SKAP2: variants seen among roughly 807,000 people sequenced by gnomAD.
The protein encoded by SKAP2 is src kinase-associated phosphoprotein 2.
In SKAP2, 28 loss-of-function variants were observed where a neutral mutation model predicts 54.9. That is an observed-to-expected ratio of 0.51 (90% CI 0.38 to 0.70). SKAP2 has a LOEUF of 0.70. Among genes scored for constraint, SKAP2 ranks in the 30% least tolerant of loss-of-function variants. SKAP2 has a pLI of 0.00. For missense variants in SKAP2, 356 were observed against 424.1 expected, an observed-to-expected ratio of 0.84 and a Z score of 1.41; for synonymous variants, 137 against 134.3, an observed-to-expected ratio of 1.02 and a Z score of -0.14.
At chr7:26,813,148 C>T (rs770878940) in intron 4 of SKAP2, among the ~76,000 whole-genome samples, 10 of 152,056 alleles carry the variant, frequency 6.6e-5, no homozygotes, top group Non-Finnish European at 1.5e-5. Flanking sequence ...TTTTCTCTAG[C>T]ATTAATTCTA....
intron 4 of SKAP2, among the ~76,000 whole-genome samples, chr7:26,796,104 C>T (rs956969916): frequency 6.6e-6 from 1 of 152,138 alleles, no homozygotes; most frequent in South Asian, 2.1e-4. Flanking sequence ...ATAAAACATA[C>T]AAATATCTAT....
intron 1 of SKAP2, among the ~76,000 whole-genome samples, chr7:26,864,086 G>A (rs1047064857): frequency 1.2e-5 from 1 of 84,688 alleles, no homozygotes; most frequent in African/African-American, 5.1e-5. Context: ...CACACACACC[G>A]TCTTCACAAT....
At chr7:26,713,393 T>G (rs1033869510) in intron 9 of SKAP2, among the ~76,000 whole-genome samples, 24 of 152,062 alleles carry the variant, frequency 1.6e-4, no homozygotes, top group Non-Finnish European at 3.2e-4. Context: ...GAATCTGACA[T>G]GCAATGGGCT....
intron 11 of SKAP2, among the ~76,000 whole-genome samples, chr7:26,673,000 G>A (rs898126672): frequency 6.6e-6 from 1 of 151,906 alleles, no homozygotes; most frequent in African/African-American, 2.4e-5. Context: ...ACTTACAGTG[G>A]AAAATAATGC....
At chr7:26,847,844 T>A (rs1784957695) in intron 3 of SKAP2, among the ~76,000 whole-genome samples, 1 of 152,236 alleles carries the variant, frequency 6.6e-6, no homozygotes, top group South Asian at 2.1e-4. Context: ...AATGTGTCCC[T>A]GTTATGTACT....
At chr7:26,817,858 T>C (rs946363772) in intron 4 of SKAP2, among the ~76,000 whole-genome samples, 3 of 151,846 alleles carry the variant, frequency 2.0e-5, no homozygotes, top group South Asian at 4.2e-4. Flanking sequence ...AAGAATAAAA[T>C]ACCTAGGAAT....
At chr7:26,845,843 G>C (rs1022671088) in intron 3 of SKAP2, among the ~76,000 whole-genome samples, 1 of 152,052 alleles carries the variant, frequency 6.6e-6, no homozygotes, top group African/African-American at 2.4e-5. Context: ...GAGGTAAGAG[G>C]ACCGCTTGAG....
At chr7:26,727,933 A>G (rs901808577) in intron 6 of SKAP2, among the ~76,000 whole-genome samples, 11 of 152,160 alleles carry the variant, frequency 7.2e-5, no homozygotes, top group Admixed American at 5.9e-4. Flanking sequence ...GGGCAAATAC[A>G]GAAATGCTTT....
At chr7:26,779,104 C>G (rs779041221) in intron 4 of SKAP2, among the ~76,000 whole-genome samples, 17 of 152,060 alleles carry the variant, frequency 1.1e-4, no homozygotes, top group Non-Finnish European at 1.6e-4. Flanking sequence ...AATAACTGTT[C>G]TTAATTTGTG....
chr7:26,743,303 TACTATA>T (rs1435350688), intron 4 of SKAP2, among the ~76,000 whole-genome samples: 1 of 152,236 alleles, frequency 6.6e-6, no homozygotes, highest in Non-Finnish European at 1.5e-5. Flanking sequence ...TGTTATATGT[TACTATA>T]ACTGTAACTA....
chr7:26,841,041 T>G (rs910004045), intron 4 of SKAP2, among the ~76,000 whole-genome samples: 1 of 152,034 alleles, frequency 6.6e-6, no homozygotes, highest in Admixed American at 6.6e-5. Flanking sequence ...ATCAATAAGG[T>G]ACTTTTTTCC....
chr7:26,714,547 C>A (rs1044595937), intron 9 of SKAP2, among the ~76,000 whole-genome samples: 2 of 152,194 alleles, frequency 1.3e-5, no homozygotes, highest in African/African-American at 4.8e-5. Context: ...GTAGCACTTG[C>A]CGAGGCCAGA....
intron 4 of SKAP2, among the ~76,000 whole-genome samples, chr7:26,773,579 A>G (rs1196995877): frequency 6.6e-6 from 1 of 152,190 alleles, no homozygotes; most frequent in African/African-American, 2.4e-5. Flanking sequence ...TAAACCTCCT[A>G]ACTTCAATTT....
intron 4 of SKAP2, among the ~76,000 whole-genome samples, chr7:26,815,043 T>C (rs1361818324): frequency 2.0e-5 from 3 of 151,944 alleles, no homozygotes; most frequent in Non-Finnish European, 4.4e-5. Flanking sequence ...GTTATGAATG[T>C]CATTAGACAT....
At chr7:26,754,022 A>T (rs555852221) in intron 4 of SKAP2, among the ~76,000 whole-genome samples, 145 of 152,308 alleles carry the variant, frequency 9.5e-4, no homozygotes, top group Middle Eastern at 3.4e-3. Flanking sequence ...TTGGGACAGA[A>T]CGTATAATAT....
chr7:26,862,724 C>A (rs1440999311), intron 1 of SKAP2, among the ~76,000 whole-genome samples: 1 of 151,964 alleles, frequency 6.6e-6, no homozygotes, highest in African/African-American at 2.4e-5. Flanking sequence ...TTCTCATGAC[C>A]TACATATCAT....
intron 4 of SKAP2, among the ~76,000 whole-genome samples, chr7:26,787,665 C>T (rs951855162): frequency 1.3e-5 from 2 of 151,940 alleles, no homozygotes; most frequent in Non-Finnish European, 2.9e-5. Flanking sequence ...CAAAGGGTGA[C>T]CTGGTGTTTC....
intron 4 of SKAP2, among the ~76,000 whole-genome samples, chr7:26,819,718 T>G (rs971852395): frequency 3.9e-5 from 6 of 152,176 alleles, no homozygotes; most frequent in Admixed American, 2.6e-4. Flanking sequence ...CTTATATCTG[T>G]ATGTTTGATA....
chr7:26,750,861 T>G (rs1169495219), intron 4 of SKAP2, among the ~76,000 whole-genome samples: 2 of 152,178 alleles, frequency 1.3e-5, no homozygotes, highest in African/African-American at 2.4e-5. Flanking sequence ...TTCTTTAGCT[T>G]CTTTCCACTC....
Sources: gnomAD v4.1 joint callset for allele counts (sites outside exome capture counted in the v4.1 genomes callset) on GRCh38, gnomAD v4.1.1 for gene constraint, MANE v1.5 for transcripts, NCBI Gene and HGNC (gene_info 2026-07-23, HGNC 2026-07-21) for gene names.